TENM3: variants seen among roughly 807,000 people sequenced by gnomAD.
TENM3 encodes teneurin transmembrane protein 3, also known as teneurin-3.
TENM3 carries 63 observed loss-of-function variants against 255.1 expected under a neutral mutation model. The ratio of observed to expected loss-of-function variants is 0.25; its 90% CI spans 0.20 to 0.30. The LOEUF is 0.30. Ranked by LOEUF, TENM3 falls within the 10% of genes least tolerant of loss-of-function variation. The pLI is 1.00. For synonymous variants in TENM3, 1,306 were observed against 1,322.3 expected (o/e 0.99, Z 0.27); for missense variants, 2,929 against 3,461.1 (o/e 0.85, Z 3.86).
the TENM3 span, among the ~76,000 whole-genome samples, chr4:181,830,355 C>G: frequency 2.0e-5 from 3 of 152,042 alleles, no homozygotes; most frequent in Admixed American, 6.6e-5. Context: ...TGCCACCTCC[C>G]CATCCCGGGT....
chr4:182,666,209 T>G (rs758331145), intron 6 of TENM3, among the ~76,000 whole-genome samples: 2 of 152,200 alleles, frequency 1.3e-5, no homozygotes, highest in Non-Finnish European at 2.9e-5. Flanking sequence ...AGATGGAATT[T>G]ACTCCTGATG....
chr4:181,937,350 G>C, the TENM3 span, among the ~76,000 whole-genome samples: 19,883 of 152,260 alleles, frequency 0.13, 1,682 homozygotes, highest in South Asian at 0.27. Flanking sequence ...GCTTTAAACA[G>C]GAGAGAGGCA....
intron 1 of TENM3, among the ~76,000 whole-genome samples, chr4:182,170,376 T>C (rs1254020581): frequency 1.3e-5 from 2 of 152,204 alleles, no homozygotes; most frequent in African/African-American, 4.8e-5. Context: ...TGTAATCCAG[T>C]GTATTTGCTT....
chr4:182,648,463 TAG>T (rs1206042605), intron 5 of TENM3, among the ~76,000 whole-genome samples: 1 of 152,084 alleles, frequency 6.6e-6, no homozygotes, highest in African/African-American at 2.4e-5. Context: ...TTTGTTTTAG[TAG>T]AGACTGGGTT....
intron 3 of TENM3, among the ~76,000 whole-genome samples, chr4:182,351,006 G>C (rs1464127991): frequency 2.0e-5 from 3 of 152,046 alleles, no homozygotes; most frequent in Non-Finnish European, 4.4e-5. Context: ...TAAAAGAGCC[G>C]TGACTGAAGT....
At chr4:182,271,531 AT>A (rs1384746758) in intron 1 of TENM3, among the ~76,000 whole-genome samples, 1 of 152,140 alleles carries the variant, frequency 6.6e-6, no homozygotes, top group Non-Finnish European at 1.5e-5. Flanking sequence ...GTCCTTGAAA[AT>A]TATTTTGCCT....
At chr4:181,664,811 G>A in the TENM3 span, among the ~76,000 whole-genome samples, 7 of 152,234 alleles carry the variant, frequency 4.6e-5, no homozygotes, top group South Asian at 1.5e-3. Context: ...CCCCGCTCTT[G>A]CTCTCTGCCC....
In TENM3 at chr4:182,285,454, G is replaced by A. The variant is rs909617079; in HGVS notation, c.-75-38492G>A. ...CTATGTGTCTGCTGATACTGACTGT[G>A]GGGTCCACAACTGAAACTATAAGAC... On this transcript the variant is annotated intron_variant, in intron 1 of 27. Coordinates refer to ENST00000511685, the MANE Select transcript of TENM3 (RefSeq NM_001080477.4). Among the ~76,000 whole-genome samples the A allele has an allele frequency of 7.9e-5, 12 of 152,226 alleles. No homozygotes were observed. In the East Asian group the frequency reaches 2.3e-3, roughly 29 times the overall value.
chr4:181,592,662 C>T, the TENM3 span, among the ~76,000 whole-genome samples: 33 of 130,058 alleles, frequency 2.5e-4, no homozygotes, highest in African/African-American at 3.2e-4. Context: ...GAAAATCTCT[C>T]TTTTTTTTTT....
intron 3 of TENM3, among the ~76,000 whole-genome samples, chr4:182,420,812 A>G (rs540169421): frequency 6.6e-6 from 1 of 152,338 alleles, no homozygotes; most frequent in Non-Finnish European, 1.5e-5. Flanking sequence ...ATAAATCAAC[A>G]GTTGGAAATT....
intron 1 of TENM3, among the ~76,000 whole-genome samples, chr4:182,225,531 G>A (rs1756095130): frequency 6.6e-6 from 1 of 152,198 alleles, no homozygotes; most frequent in African/African-American, 2.4e-5. Context: ...GTTGTGGCAT[G>A]TGGAATGGTT....
chr4:181,863,128 T>C, the TENM3 span, among the ~76,000 whole-genome samples: 2 of 152,194 alleles, frequency 1.3e-5, no homozygotes, highest in Non-Finnish European at 2.9e-5. Context: ...AATTTAATAC[T>C]TTGAGAATTT....
At chr4:182,179,322 T>C (rs1752702773) in intron 1 of TENM3, among the ~76,000 whole-genome samples, 1 of 152,168 alleles carries the variant, frequency 6.6e-6, no homozygotes, top group South Asian at 2.1e-4. Context: ...TTAAACTCAC[T>C]TGGAACCTAT....
the TENM3 span, among the ~76,000 whole-genome samples, chr4:181,673,391 A>G: frequency 6.6e-6 from 1 of 152,206 alleles, no homozygotes; most frequent in Non-Finnish European, 1.5e-5. Flanking sequence ...TTGATTAAAA[A>G]ACCTGTGTAT....
At chr4:181,579,305 C>T in the TENM3 span, among the ~76,000 whole-genome samples, 21 of 152,234 alleles carry the variant, frequency 1.4e-4, no homozygotes, top group Non-Finnish European at 2.4e-4. Flanking sequence ...AACCACTCCC[C>T]CCACATCTAC....
chr4:182,264,272 CCG>C (rs1336067684), intron 1 of TENM3, among the ~76,000 whole-genome samples: 1 of 152,150 alleles, frequency 6.6e-6, no homozygotes, highest in Non-Finnish European at 1.5e-5. Flanking sequence ...ACCTGCAAGC[CCG>C]CTTTTCAAGA....
chr4:181,708,054 A>T, the TENM3 span, among the ~76,000 whole-genome samples: 1 of 152,134 alleles, frequency 6.6e-6, no homozygotes, highest in Non-Finnish European at 1.5e-5. Context: ...CATGTTACCT[A>T]TGATTTTACT....
chr4:182,669,372 C>T (rs1167317972), intron 6 of TENM3, among the ~76,000 whole-genome samples: 1 of 152,058 alleles, frequency 6.6e-6, no homozygotes, highest in Non-Finnish European at 1.5e-5. Flanking sequence ...CAGGTTCACG[C>T]CATTCTCCTG....
At chr4:182,521,578 G>C (rs980833126) in intron 3 of TENM3, among the ~76,000 whole-genome samples, 1 of 129,794 alleles carries the variant, frequency 7.7e-6, no homozygotes, top group Non-Finnish European at 1.7e-5. Flanking sequence ...GTAGCAAATG[G>C]GGGGGTCGCT....
Sources: gnomAD v4.1 joint callset for allele counts (sites outside exome capture counted in the v4.1 genomes callset) on GRCh38, gnomAD v4.1.1 for gene constraint, MANE v1.5 for transcripts, NCBI Gene and HGNC (gene_info 2026-07-23, HGNC 2026-07-21) for gene names.